The following PDE12 variants were observed in gnomAD, a reference collection of about 807,000 sequenced individuals.
The protein encoded by PDE12 is phosphodiesterase 12.
PDE12 carries 26 observed loss-of-function variants against 45.4 expected under a neutral mutation model. That is an observed-to-expected ratio of 0.57 (90% CI 0.42 to 0.79). The LOEUF is 0.79. Among genes scored for constraint, PDE12 ranks in the 30% least tolerant of loss-of-function variants. The pLI is 0.00. For synonymous variants in PDE12, 283 were observed against 323.9 expected, an observed-to-expected ratio of 0.87 and a Z score of 1.36; for missense variants, 668 against 790.0, an observed-to-expected ratio of 0.85 and a Z score of 1.85.
At chr3:57,574,817 A>G in the PDE12 span, among the ~76,000 whole-genome samples, 4 of 152,138 alleles carry the variant, frequency 2.6e-5, no homozygotes, top group East Asian at 7.8e-4. Context: ...CCAGGAGTTC[A>G]AGACCAGCCT....
chr3:57,570,589 TC>T (rs1222096781), downstream of PDE12, among the ~76,000 whole-genome samples: 1 of 152,090 alleles, frequency 6.6e-6, no homozygotes, highest in Non-Finnish European at 1.5e-5. Context: ...GAATTTTCAA[TC>T]CATAAATTTA....
At chr3:57,632,534 T>C in the PDE12 span, among the ~76,000 whole-genome samples, 2 of 152,318 alleles carry the variant, frequency 1.3e-5, no homozygotes, top group East Asian at 3.9e-4. Flanking sequence ...ATAGATTTAA[T>C]GGAATAAATA....
At chr3:57,649,859 T>C in the PDE12 span, among the ~76,000 whole-genome samples, 1 of 134,974 alleles carries the variant, frequency 7.4e-6, no homozygotes, top group Admixed American at 7.9e-5. Context: ...TCTATCCCAC[T>C]AGACCACGTC....
the PDE12 span, among the ~76,000 whole-genome samples, chr3:57,594,591 G>T: frequency 6.6e-6 from 1 of 152,142 alleles, no homozygotes; most frequent in Non-Finnish European, 1.5e-5. Flanking sequence ...AGAACAGCAG[G>T]TGTACGAATT....
the PDE12 span, among the ~76,000 whole-genome samples, chr3:57,640,211 G>A: frequency 2.6e-5 from 4 of 151,238 alleles, no homozygotes; most frequent in African/African-American, 9.7e-5. Flanking sequence ...AGAGATTGCA[G>A]TGAGCCGAGA....
At chr3:57,610,180 A>C in the PDE12 span, among the ~76,000 whole-genome samples, 1 of 152,194 alleles carries the variant, frequency 6.6e-6, no homozygotes, top group African/African-American at 2.4e-5. Flanking sequence ...AACAAAATTC[A>C]ACAACGCTTC....
At chr3:57,568,441 C>T (rs948340818), downstream of PDE12, among the ~76,000 whole-genome samples, 2 of 151,804 alleles carry the variant, frequency 1.3e-5, no homozygotes, top group African/African-American at 2.4e-5. Flanking sequence ...GGCGACAGAG[C>T]GAGACCCTGT....
the PDE12 span, chr3:57,625,615 G>T: frequency 6.6e-6 from 1 of 151,986 alleles, no homozygotes; most frequent in Non-Finnish European, 1.5e-5. Context: ...TTAATGTCAG[G>T]GTTTACATAG....
chr3:57,602,616 G>A, the PDE12 span, among the ~76,000 whole-genome samples: 1 of 152,082 alleles, frequency 6.6e-6, no homozygotes, highest in Non-Finnish European at 1.5e-5. Flanking sequence ...TGCTGCCCAG[G>A]CTGGAATGCA....
At chr3:57,647,404 A>G in the PDE12 span, among the ~76,000 whole-genome samples, 1 of 152,286 alleles carries the variant, frequency 6.6e-6, no homozygotes, top group Middle Eastern at 3.4e-3. Context: ...GCCATGAGGG[A>G]AAGAGAGCCG....
chr3:57,580,961 GAGA>G, the PDE12 span, among the ~76,000 whole-genome samples: 4 of 152,070 alleles, frequency 2.6e-5, no homozygotes, highest in African/African-American at 4.8e-5. Context: ...TGACATTATT[GAGA>G]AGGAGAATTA....
chr3:57,630,533 T>C, the PDE12 span: 1 of 1,584,186 alleles, frequency 6.3e-7, no homozygotes, highest in Non-Finnish European at 8.5e-7. Context: ...CCTATAAAAA[T>C]ACATTTTAAA....
the PDE12 span, among the ~76,000 whole-genome samples, chr3:57,608,237 G>A: frequency 1.3e-5 from 2 of 152,128 alleles, no homozygotes; most frequent in Admixed American, 1.3e-4. Context: ...CCTGAAGGAA[G>A]CACTAAACAT....
Position 57,556,291 on chromosome 3 carries a change from C to A in PDE12, c.-89C>A. ...CGGAAGTCGCGAGATCTGAATGAGT[C>A]AAAGCCGGCGGCCTCGGCTCCTCAG... On this transcript the variant is annotated 5_prime_UTR_variant, in exon 1 of 3. Coordinates refer to ENST00000311180, the MANE Select transcript of PDE12 (RefSeq NM_177966.7). This position sits in a 1 kb window ranked among gnomAD's most constrained non-coding sequence, Gnocchi z 5.0. 1 of 1,368,834 alleles carries A rather than the reference C, an allele frequency of 7.3e-7. No homozygotes were observed. 84.8% of individuals were successfully genotyped at this position (1,368,834 alleles called of 1,614,324 possible).
At chr3:57,629,507 CTTTTT>C in the PDE12 span, among the ~76,000 whole-genome samples, 1 of 98,228 alleles carries the variant, frequency 1.0e-5, no homozygotes, top group Non-Finnish European at 2.0e-5. Flanking sequence ...AATCAGTCCG[CTTTTT>C]TTTTTTTTTT....
At chr3:57,617,649 GC>G in the PDE12 span, among the ~76,000 whole-genome samples, 4 of 151,902 alleles carry the variant, frequency 2.6e-5, no homozygotes, top group South Asian at 6.2e-4. Context: ...GATCACTTGG[GC>G]CCAAGAGTTT....
the PDE12 span, among the ~76,000 whole-genome samples, chr3:57,638,615 G>A: frequency 0.39 from 58,562 of 151,746 alleles, 12,666 homozygotes; most frequent in South Asian, 0.56. Flanking sequence ...CCAAGATTGC[G>A]CCACTGCACT....
the PDE12 span, among the ~76,000 whole-genome samples, chr3:57,574,003 G>A: frequency 5.9e-4 from 89 of 152,036 alleles, no homozygotes; most frequent in South Asian, 7.5e-3. Context: ...GTGCAGTGGC[G>A]TGATCTCGGC....
At chr3:57,620,457 A>G in the PDE12 span, among the ~76,000 whole-genome samples, 7 of 152,182 alleles carry the variant, frequency 4.6e-5, no homozygotes, top group African/African-American at 2.4e-5. Context: ...ATGCTATTCA[A>G]CATTGCATTG....
Sources: gnomAD v4.1 joint callset for allele counts (sites outside exome capture counted in the v4.1 genomes callset) on GRCh38, gnomAD v4.1.1 for gene constraint, Gnocchi (gnomAD v3.1) non-coding constraint, MANE v1.5 for transcripts, NCBI Gene and HGNC (gene_info 2026-07-23, HGNC 2026-07-21) for gene names.